Variants in PCDHA8 observed in about 807,000 individuals in gnomAD.
PCDHA8 encodes the protein protocadherin alpha-8.
Under a neutral mutation model 61.8 loss-of-function variants are expected in PCDHA8, and 53 were observed. The observed-to-expected ratio is 0.86, with a 90% CI of 0.69 to 1.08. The LOEUF (loss-of-function observed/expected upper bound fraction) is 1.08. Among genes scored for constraint, PCDHA8 ranks in the 50% least tolerant of loss-of-function variants. PCDHA8 has a pLI of 0.00. For missense variants in PCDHA8, 1,293 were observed against 1,245.0 expected (o/e 1.04, Z -0.58); for synonymous variants, 618 against 556.6 (o/e 1.11, Z -1.55).
chr5:140,937,260 A>G (rs1427466170), intron 1 of PCDHA8, among the ~76,000 whole-genome samples: 1 of 151,830 alleles, frequency 6.6e-6, no homozygotes, highest in Non-Finnish European at 1.5e-5. Flanking sequence ...GATGGTCTCG[A>G]TCTCCTGACC....
At chr5:140,888,686 T>C (rs1326536229) in intron 1 of PCDHA8, among the ~76,000 whole-genome samples, 1 of 152,214 alleles carries the variant, frequency 6.6e-6, no homozygotes, top group Non-Finnish European at 1.5e-5. Context: ...AAGAGGTCTC[T>C]CTTCTCTGAT....
intron 1 of PCDHA8, chr5:140,851,511 T>C (rs2042080638): frequency 2.8e-5 from 25 of 901,700 alleles, no homozygotes; most frequent in Non-Finnish European, 3.2e-5. Flanking sequence ...ATATAAAATA[T>C]GTTTTAAAAT....
At chr5:140,855,951 G>A (rs923077189) in intron 1 of PCDHA8, 2 of 1,372,088 alleles carry the variant, frequency 1.5e-6, no homozygotes, top group South Asian at 1.4e-5. Context: ...CAGCCATTTC[G>A]ATAAAAAATA....
intron 1 of PCDHA8, among the ~76,000 whole-genome samples, chr5:140,941,215 C>CTTT (rs782548958): frequency 2.3e-4 from 24 of 104,510 alleles, no homozygotes; most frequent in African/African-American, 3.3e-4. Context: ...TTCTTTCTTC[C>CTTT]TTTCTTTCTT....
At chr5:140,928,676 G>A in intron 1 of PCDHA8, 2 of 1,614,166 alleles carry the variant, frequency 1.2e-6, no homozygotes, top group East Asian at 2.2e-5. Context: ...TCTAATGCCT[G>A]GCTTTCCTAC....
At chr5:140,965,951 T>C (rs1484541931) in intron 1 of PCDHA8, among the ~76,000 whole-genome samples, 3 of 152,172 alleles carry the variant, frequency 2.0e-5, no homozygotes, top group East Asian at 1.9e-4. Flanking sequence ...GCATTTGCCA[T>C]CCCCCTCCTT....
chr5:140,875,688 G>A (rs1554167865), intron 1 of PCDHA8: 7 of 1,614,004 alleles, frequency 4.3e-6, no homozygotes, highest in Non-Finnish European at 4.2e-6. Context: ...AAAGACACGG[G>A]GACCTTCTGG....
At chr5:140,871,197 C>T (rs1554165260) in intron 1 of PCDHA8, 1 of 1,613,664 alleles carries the variant, frequency 6.2e-7, no homozygotes, top group Admixed American at 1.7e-5. Flanking sequence ...TCAACGTGTA[C>T]CTGATCATCG....
At chr5:140,924,223 T>A (rs2081726593) in intron 1 of PCDHA8, among the ~76,000 whole-genome samples, 1 of 152,230 alleles carries the variant, frequency 6.6e-6, no homozygotes, top group South Asian at 2.1e-4. Context: ...ATAAGTTCAA[T>A]TTTTATGGGC....
chr5:140,882,100 C>T, intron 1 of PCDHA8: 1 of 1,277,590 alleles, frequency 7.8e-7, no homozygotes, highest in Non-Finnish European at 1.1e-6. Flanking sequence ...AGAACGTTTC[C>T]GCGAAGAAAG....
At chr5:140,878,110 A>T in intron 1 of PCDHA8, 1 of 249,264 alleles carries the variant, frequency 4.0e-6, no homozygotes, top group South Asian at 1.2e-4. Context: ...CTTGAAAAAA[A>T]CAGTATATTA....
At chr5:140,902,560 G>T (rs558432897) in intron 1 of PCDHA8, among the ~76,000 whole-genome samples, 9 of 152,072 alleles carry the variant, frequency 5.9e-5, no homozygotes, top group Non-Finnish European at 1.2e-4. Flanking sequence ...CCAGATTTTT[G>T]AGGGTTTTTA....
At position 140,843,513 on chromosome 5, in the gene PCDHA8, G is replaced by A. The variant is rs1554140161; in HGVS notation, c.2192G>A (p.Gly731Glu). Reference protein sequence around the residue: ...LRCSALPTEGGCRAGKPTLVC... With the variant: ...LRCSALPTEGECRAGKPTLVC... The stretch of plus-strand genomic sequence containing the variant: ...TGCTCAGCACTGCCCACTGAGGGCG[G>A]GTGCCGGGCGGGCAAGCCCACTCTG... Residue 731 changes from glycine to glutamate, a missense_variant, in exon 1 of 4, where the codon GGG (glycine) becomes GAG (glutamate). By Grantham distance (98) the Gly-to-Glu change is moderately conservative (BLOSUM62 -2). Coordinates refer to ENST00000531613, the MANE Select transcript of PCDHA8 (RefSeq NM_018911.3). 6.3e-7 allele frequency: 1 copy of A among 1,595,848 alleles called. No homozygotes were observed. Among genetic ancestry groups the A allele is most frequent in the East Asian group, 2.2e-5 (1 of 44,832 alleles).
chr5:140,897,161 G>C (rs1554187213), intron 1 of PCDHA8, among the ~76,000 whole-genome samples: 1 of 151,938 alleles, frequency 6.6e-6, no homozygotes, highest in African/African-American at 2.4e-5. Flanking sequence ...TTCTTCTACT[G>C]TCTATCTCCA....
chr5:140,872,817 T>G (rs1316271424), intron 1 of PCDHA8, among the ~76,000 whole-genome samples: 1 of 152,214 alleles, frequency 6.6e-6, no homozygotes, highest in African/African-American at 2.4e-5. Context: ...TTTTTCAGAT[T>G]CATCTAGCAG....
intron 1 of PCDHA8, chr5:140,877,670 C>A: frequency 6.2e-7 from 1 of 1,613,654 alleles, no homozygotes; most frequent in Non-Finnish European, 8.5e-7. Flanking sequence ...AGCCGGTGCG[C>A]GCCGGGCAAG....
rs1554228572 is a variant in PCDHA8 at position 140,966,716 on chromosome 5, G to A, written c.2395-12233G>A. On this transcript the variant is annotated intron_variant, in intron 1 of 3. Transcript: ENST00000531613. Reference sequence around the variant, plus strand: ...GGCCCGGGCGTGGGGCACGGCTGGGGAAGCTGCCGCCTCCGGCCCTGCCCG... The same window carrying A: ...GGCCCGGGCGTGGGGCACGGCTGGGAAAGCTGCCGCCTCCGGCCCTGCCCG... The A allele has an allele frequency of 2.3e-5, 32 of 1,394,682 alleles. No homozygotes were observed. The South Asian group carries it at 5.0e-4, about 22-fold the overall frequency. The allele number at this position is 1,394,682 out of a possible 1,614,324, so 86.4% of individuals were successfully genotyped here. A position where few individuals can be genotyped will look rare whatever the true frequency, so the allele number is the denominator to read the frequency against.
At chr5:140,851,245 A>G (rs2042003165) in intron 1 of PCDHA8, 2 of 1,104,800 alleles carry the variant, frequency 1.8e-6, no homozygotes, top group Non-Finnish European at 2.3e-6. Flanking sequence ...TTGCTAAATG[A>G]TGCATAGTAT....
At chr5:140,843,834 G>C in intron 1 of PCDHA8, 119 bp downstream of exon 1, 1 of 1,102,920 alleles carries the variant, frequency 9.1e-7, no homozygotes, top group Non-Finnish European at 1.3e-6. Flanking sequence ...ACATTGTTTA[G>C]TTTTTAGAAA....
Sources: gnomAD v4.1 joint callset for allele counts (sites outside exome capture counted in the v4.1 genomes callset) on GRCh38, gnomAD v4.1.1 for gene constraint, MANE v1.5 for transcripts, NCBI Gene and HGNC (gene_info 2026-07-23, HGNC 2026-07-21) for gene names.